Variants in ZC3H12D observed in about 807,000 individuals in gnomAD.
ZC3H12D encodes the protein probable ribonuclease ZC3H12D.
Under a neutral mutation model 24.2 loss-of-function variants are expected in ZC3H12D, and 11 were observed. The ratio of observed to expected loss-of-function variants is 0.46; its 90% CI spans 0.29 to 0.75. The LOEUF (loss-of-function observed/expected upper bound fraction) is 0.75, where lower values mean the gene tolerates loss of function less well. Among genes scored for constraint, ZC3H12D ranks in the 30% least tolerant of loss-of-function variants. The probability of loss-of-function intolerance (pLI) is 0.11; values close to 1 mark genes in which losing one functional copy is unlikely to be tolerated. For synonymous variants in ZC3H12D, 333 were observed against 341.8 expected, an observed-to-expected ratio of 0.97 and a Z score of 0.28; for missense variants, 740 against 767.7, an observed-to-expected ratio of 0.96 and a Z score of 0.43.
chr6:149,474,846 C>A (rs78057917), intron 1 of ZC3H12D, among the ~76,000 whole-genome samples: 2 of 152,338 alleles, frequency 1.3e-5, no homozygotes, highest in East Asian at 3.9e-4. Context: ...AGGGCACACA[C>A]CCGACCGCAC....
chr6:149,450,844 C>T lies in ZC3H12D; in HGVS notation c.1423G>A (p.Gly475Arg), dbSNP rs1203817609. ...LSVYATEDDEGDARARARIAL... is the reference protein window; with the variant it reads ...LSVYATEDDERDARARARIAL... ...ATGCGAGCCCGGGCGCGCGCGTCCC[C>T]CTCGTCGTCCTCGGTCGCGTACACT... is the stretch of plus-strand genomic sequence containing the variant. Residue 475 changes from glycine to arginine, a missense_variant, in exon 6 of 6, where the codon GGG becomes AGG. Physicochemically the swap from Gly to Arg is moderately radical, Grantham distance 125. Coordinates refer to ENST00000409806, the MANE Select transcript of ZC3H12D (RefSeq NM_207360.3). 2 of 1,544,632 alleles carry T rather than the reference C, an allele frequency of 1.3e-6. No homozygotes were observed. Among genetic ancestry groups the T allele is most frequent in the Non-Finnish European group, 1.7e-6 (2 of 1,146,680 alleles).
intron 5 of ZC3H12D, among the ~76,000 whole-genome samples, chr6:149,451,831 G>T (rs1775901788): frequency 6.6e-6 from 1 of 152,240 alleles, no homozygotes; most frequent in Admixed American, 6.5e-5. Context: ...AATTGCCCAG[G>T]GACCCTGTGG....
Position 149,451,419 on chromosome 6 carries a change from G to A in ZC3H12D, c.848C>T (p.Ala283Val). The A allele has an allele frequency of 6.4e-7, 1 of 1,572,732 alleles. No homozygotes were observed. The highest frequency in any genetic ancestry group is 1.1e-5 in the South Asian group (1 of 89,608). Residue 283 changes from alanine (A) to valine (V), a missense_variant, in exon 6 of 6, where the codon GCG (alanine) becomes GTG (valine). Coordinates refer to ENST00000409806, the MANE Select transcript of ZC3H12D (RefSeq NM_207360.3). ...GAGCTCGTCGGCCACCGCCAGTTGCGCGTGGTGCGGCCTCTCCGGGTGGTA... is the reference window on the plus strand; with the variant it reads ...GAGCTCGTCGGCCACCGCCAGTTGCACGTGGTGCGGCCTCTCCGGGTGGTA... ...KFYHPERPHH[A>V]QLAVADELRA...
Position 149,450,705 on chromosome 6 carries a change from C to T in ZC3H12D, c.1562G>A (p.Gly521Glu). ...ILLVQRCQSAGAPLGKP is the reference protein window; with the variant it reads ...ILLVQRCQSAEAPLGKP The stretch of plus-strand genomic sequence containing the variant: ...CCCTTAGGGCTTGCCCAGGGGCGCC[C>T]CCGCGCTCTGGCATCTCTGTACCAG... The change falls in exon 6 of 6, where the codon GGG becomes GAG. Residue 521 changes from glycine to glutamate, a missense_variant. Physicochemically the swap from Gly to Glu is moderately conservative, Grantham distance 98. Transcript: ENST00000409806. 6.5e-7 allele frequency: 1 copy of T among 1,537,188 alleles called. No individual in the cohort carries two copies. Among genetic ancestry groups the T allele is most frequent in the Non-Finnish European group, 8.8e-7 (1 of 1,139,792 alleles).
chr6:149,448,134 A>G lies in ZC3H12D; in HGVS notation c.*2549T>C, dbSNP rs1478810124. ...GAAACCCCATCTCTACTAAAAATAC[A>G]AAAAGTTAGCCAGATGTGGTGGCGG... On this transcript the variant is annotated 3_prime_UTR_variant, in exon 6 of 6. Coordinates refer to ENST00000409806, the MANE Select transcript of ZC3H12D (RefSeq NM_207360.3). The G allele has an allele frequency of 1.3e-5, 2 of 152,256 alleles. No individual in the cohort carries two copies. Among genetic ancestry groups the G allele is most frequent in the African/African-American group, 4.8e-5 (2 of 41,436 alleles). The allele number at this position is 152,256 out of a possible 1,614,324, so 9.4% of individuals were successfully genotyped here.
chr6:149,478,891 C>A (rs1047128770), intron 1 of ZC3H12D, among the ~76,000 whole-genome samples: 4 of 152,016 alleles, frequency 2.6e-5, no homozygotes, highest in Non-Finnish European at 5.9e-5. Context: ...GGATCATGTT[C>A]GCCACCTGCT....
At position 149,456,618 on chromosome 6, in the gene ZC3H12D, C is replaced by A; in HGVS notation, c.680+48G>T. The A allele has an allele frequency of 3.4e-6, 4 of 1,190,564 alleles. No homozygotes were observed. Among genetic ancestry groups the A allele is most frequent in the South Asian group, 1.2e-5 (1 of 80,500 alleles). 73.8% of individuals were successfully genotyped at this position (1,190,564 alleles called of 1,614,324 possible). On this transcript the variant is annotated intron_variant, in intron 4 of 5. Coordinates refer to ENST00000409806, the MANE Select transcript of ZC3H12D (RefSeq NM_207360.3). This position sits in a 1 kb window ranked among gnomAD's most constrained non-coding sequence, Gnocchi z 4.3. ...GCGTGGCCACTGCCTCGACCCCGGC[C>A]CCCCGCCCCGCCGCCCCCCAGGGTG...
chr6:149,476,371 G>C (rs1011185115), intron 1 of ZC3H12D, among the ~76,000 whole-genome samples: 14 of 152,178 alleles, frequency 9.2e-5, no homozygotes, highest in African/African-American at 3.4e-4. Flanking sequence ...CAGGCATGTG[G>C]CATGCACCTG....
chr6:149,454,654 C>T (rs1415889232), intron 4 of ZC3H12D, among the ~76,000 whole-genome samples: 2 of 152,240 alleles, frequency 1.3e-5, no homozygotes, highest in Non-Finnish European at 2.9e-5. Context: ...CACAAGCGGG[C>T]GGCAGGTCCT....
intron 1 of ZC3H12D, among the ~76,000 whole-genome samples, chr6:149,477,149 T>A (rs939566998): frequency 1.3e-5 from 2 of 152,256 alleles, no homozygotes; most frequent in African/African-American, 4.8e-5. Context: ...TTTGACTTCA[T>A]TGTGTCAATC....
At chr6:149,457,009 AG>A in intron 3 of ZC3H12D, 109 bp from the exon 4 acceptor site, 2 of 1,095,166 alleles carry the variant, frequency 1.8e-6, no homozygotes, top group South Asian at 1.5e-5. Flanking sequence ...TGAGGTTTTG[AG>A]GGGAGCGGGG....
intron 1 of ZC3H12D, among the ~76,000 whole-genome samples, chr6:149,475,952 T>C (rs1776333541): frequency 6.6e-6 from 1 of 152,182 alleles, no homozygotes; most frequent in Non-Finnish European, 1.5e-5. Flanking sequence ...GAAATAATCA[T>C]GAAAACATAT....
chr6:149,482,154 G>T (rs1032774922), intron 1 of ZC3H12D, among the ~76,000 whole-genome samples: 1 of 152,272 alleles, frequency 6.6e-6, no homozygotes, highest in Non-Finnish European at 1.5e-5. Flanking sequence ...TAAACTGAAA[G>T]AATGCATCTA....
Position 149,450,306 on chromosome 6 carries a change from A to T in ZC3H12D, c.*377T>A. The stretch of plus-strand genomic sequence containing the variant: ...GGATAGGTAACAAGAGTTCAGACTC[A>T]GCCTGATGGCACAGGGTGCGCTTTG... On this transcript the variant is annotated 3_prime_UTR_variant, in exon 6 of 6. Transcript: ENST00000409806. 1 of 208,914 alleles carries T rather than the reference A, an allele frequency of 4.8e-6. No individual in the cohort carries two copies. Among genetic ancestry groups the T allele is most frequent in the Non-Finnish European group, 9.5e-6 (1 of 105,756 alleles). The allele number at this position is 208,914 out of a possible 1,614,324, so 12.9% of individuals were successfully genotyped here.
chr6:149,456,623 G>GGGGGCAGC lies in ZC3H12D; in HGVS notation c.680+42_680+43insGCTGCCCC. 1 of 744,588 alleles carries GGGGGCAGC rather than the reference G, an allele frequency of 1.3e-6. No homozygotes were observed. The allele number at this position is 744,588 out of a possible 1,614,324, so 46.1% of individuals were successfully genotyped here. A position where few individuals can be genotyped will look rare whatever the true frequency, so the allele number is the denominator to read the frequency against. On this transcript the variant is annotated intron_variant, in intron 4 of 5. Coordinates refer to ENST00000409806, the MANE Select transcript of ZC3H12D (RefSeq NM_207360.3). This position sits in a 1 kb window ranked among gnomAD's most constrained non-coding sequence, Gnocchi z 4.3. ...GCCACTGCCTCGACCCCGGCCCCCC[G>GGGGGCAGC]CCCCGCCGCCCCCCAGGGTGTCAGG...
chr6:149,470,580 A>C (rs984449432), intron 2 of ZC3H12D, among the ~76,000 whole-genome samples: 1 of 152,162 alleles, frequency 6.6e-6, no homozygotes, highest in Non-Finnish European at 1.5e-5. Context: ...TTTCAAGCAT[A>C]TGTAAAATAA....
chr6:149,449,116 T>A lies in ZC3H12D; in HGVS notation c.*1567A>T, dbSNP rs535752060. On this transcript the variant is annotated 3_prime_UTR_variant, in exon 6 of 6. Coordinates refer to ENST00000409806, the MANE Select transcript of ZC3H12D (RefSeq NM_207360.3). ...GGGGGTCGGCACTCTGGCAGCACCA[T>A]CTCACTTCTTAGCCATTGCAAATGA... 116 of 152,370 alleles carry A rather than the reference T, an allele frequency of 7.6e-4. No individual in the cohort carries two copies. Among genetic ancestry groups the A allele is most frequent in the African/African-American group, 2.6e-3 (110 of 41,574 alleles). The allele number at this position is 152,370 out of a possible 1,614,324, so 9.4% of individuals were successfully genotyped here.
intron 4 of ZC3H12D, among the ~76,000 whole-genome samples, chr6:149,453,636 A>G (rs1775936104): frequency 6.6e-6 from 1 of 152,172 alleles, no homozygotes; most frequent in Non-Finnish European, 1.5e-5. Context: ...TCCAAAAAAA[A>G]AGAACTTCCC....
chr6:149,480,320 A>G (rs898468481), intron 1 of ZC3H12D, among the ~76,000 whole-genome samples: 14 of 152,278 alleles, frequency 9.2e-5, no homozygotes, highest in African/African-American at 3.4e-4. Flanking sequence ...GCAGACATAA[A>G]AAACAAAATC....
Sources: allele counts gnomAD v4.1 joint callset (sites outside exome capture counted in the v4.1 genomes callset), GRCh38; gene constraint gnomAD v4.1.1; non-coding constraint Gnocchi (gnomAD v3.1); transcripts MANE v1.5; gene names NCBI Gene and HGNC (gene_info 2026-07-23, HGNC 2026-07-21).